ADAMTS6: variants seen among roughly 807,000 people sequenced by gnomAD.
ADAMTS6 encodes ADAM metallopeptidase with thrombospondin type 1 motif 6.
ADAMTS6 carries 23 observed loss-of-function variants against 144.3 expected under a neutral mutation model. The ratio of observed to expected loss-of-function variants is 0.16; its 90% CI spans 0.11 to 0.23. The LOEUF (loss-of-function observed/expected upper bound fraction) is 0.23. ADAMTS6 is among the 10% of genes least tolerant of loss of function. The probability of loss-of-function intolerance (pLI) is 1.00; values close to 1 mark genes in which losing one functional copy is unlikely to be tolerated. For synonymous variants in ADAMTS6, 444 were observed against 457.5 expected, an observed-to-expected ratio of 0.97 and a Z score of 0.38; for missense variants, 999 against 1,379.6, an observed-to-expected ratio of 0.72 and a Z score of 4.37.
intron 7 of ADAMTS6, among the ~76,000 whole-genome samples, chr5:65,403,816 G>A (rs1010799986): frequency 5.3e-5 from 8 of 151,890 alleles, no homozygotes; most frequent in Non-Finnish European, 1.0e-4. Context: ...TTATCACTAC[G>A]TACCTTATTC....
chr5:65,256,995 T>C (rs1490098353), intron 14 of ADAMTS6, among the ~76,000 whole-genome samples: 9 of 144,130 alleles, frequency 6.2e-5, no homozygotes, highest in African/African-American at 7.8e-5. Flanking sequence ...CTTTTTTTTT[T>C]TTTTTTTTTT....
intron 7 of ADAMTS6, among the ~76,000 whole-genome samples, chr5:65,353,872 C>T (rs527297786): frequency 6.6e-6 from 1 of 151,818 alleles, no homozygotes; most frequent in Non-Finnish European, 1.5e-5. Flanking sequence ...TGCAAAAAAA[C>T]CCAAAGCTTC....
intron 14 of ADAMTS6, chr5:65,251,493 T>A (rs1760153736): frequency 6.6e-6 from 1 of 152,246 alleles, no homozygotes; most frequent in African/African-American, 2.4e-5. Flanking sequence ...ATGCTCCTGG[T>A]TTCTCAGTAG....
intron 7 of ADAMTS6, among the ~76,000 whole-genome samples, chr5:65,360,377 C>T (rs769541354): frequency 6.6e-6 from 1 of 152,088 alleles, no homozygotes. Flanking sequence ...CCACCTCCAA[C>T]AATTGAACAT....
chr5:65,389,016 G>C (rs1479273369), intron 7 of ADAMTS6, among the ~76,000 whole-genome samples: 7 of 152,058 alleles, frequency 4.6e-5, no homozygotes, highest in African/African-American at 1.7e-4. Flanking sequence ...GACCATCCTG[G>C]CTAACACGGT....
chr5:65,461,811 A>T (rs1420109858), intron 3 of ADAMTS6, among the ~76,000 whole-genome samples: 2 of 152,198 alleles, frequency 1.3e-5, no homozygotes, highest in Non-Finnish European at 2.9e-5. Flanking sequence ...TCATTTGAAA[A>T]AGGGGTTTTG....
At chr5:65,272,164 A>G (rs1323401072) in intron 12 of ADAMTS6, among the ~76,000 whole-genome samples, 1 of 152,234 alleles carries the variant, frequency 6.6e-6, no homozygotes, top group Non-Finnish European at 1.5e-5. Context: ...GCTGAAACTC[A>G]GCATAATCCT....
intron 7 of ADAMTS6, among the ~76,000 whole-genome samples, chr5:65,352,082 A>C (rs1748903974): frequency 6.6e-6 from 1 of 152,228 alleles, no homozygotes; most frequent in South Asian, 2.1e-4. Context: ...TCTATGCTCC[A>C]TCTGAACAAC....
chr5:65,218,828 A>C (rs1198678624), intron 18 of ADAMTS6, among the ~76,000 whole-genome samples: 2 of 152,206 alleles, frequency 1.3e-5, no homozygotes, highest in East Asian at 3.8e-4. Context: ...TATTAAAAAA[A>C]ACAGCACAAA....
intron 7 of ADAMTS6, among the ~76,000 whole-genome samples, chr5:65,369,297 T>A (rs1199495517): frequency 1.3e-5 from 2 of 152,060 alleles, no homozygotes; most frequent in African/African-American, 4.8e-5. Flanking sequence ...AGCCCACAAG[T>A]TAAAGTTTTA....
intron 22 of ADAMTS6, among the ~76,000 whole-genome samples, chr5:65,177,273 C>T (rs1412484460): frequency 6.6e-6 from 1 of 152,166 alleles, no homozygotes; most frequent in African/African-American, 2.4e-5. Context: ...AAAAATTTAA[C>T]TCTTTCATCT....
chr5:65,391,503 GTATGTAAATCC>G (rs1752912093), intron 7 of ADAMTS6, among the ~76,000 whole-genome samples: 1 of 151,112 alleles, frequency 6.6e-6, no homozygotes, highest in Non-Finnish European at 1.5e-5. Flanking sequence ...TAATATTTCA[GTATGTAAATCC>G]TAAGAAATCC....
intron 20 of ADAMTS6, among the ~76,000 whole-genome samples, chr5:65,208,210 T>G (rs1466972455): frequency 6.6e-6 from 1 of 152,204 alleles, no homozygotes; most frequent in Admixed American, 6.5e-5. Context: ...TGTTAATTTT[T>G]TGAAGACTAA....
At chr5:65,436,956 T>G (rs1757467192) in intron 7 of ADAMTS6, among the ~76,000 whole-genome samples, 1 of 152,174 alleles carries the variant, frequency 6.6e-6, no homozygotes, top group Non-Finnish European at 1.5e-5. Flanking sequence ...TGCCTGAGAC[T>G]GGGCAATTTA....
In ADAMTS6 at chr5:65,226,134, G is replaced by T. The variant is rs757587576; in HGVS notation, c.2019C>A (p.Thr673=). The T allele has an allele frequency of 3.7e-6, 6 of 1,613,246 alleles. No homozygotes were observed. Among genetic ancestry groups the T allele is most frequent in the Non-Finnish European group, 5.1e-6 (6 of 1,179,598 alleles). Residue 673 remains threonine, a synonymous_variant, in exon 16 of 25, where the codon ACC becomes ACA. Coordinates refer to ENST00000381055, the MANE Select transcript of ADAMTS6 (RefSeq NM_197941.4). ...TERAPAVIDG[T]QCNADSLDIC... ...TATCCAGTGAATCCGCATTGCACTG[G>T]GTCCCATCGATCACCGCAGGAGCAC...
intron 2 of ADAMTS6, 69 bp downstream of exon 2, chr5:65,473,508 A>C (rs1043907327): frequency 1.5e-6 from 2 of 1,373,252 alleles, no homozygotes; most frequent in African/African-American, 2.9e-5. Flanking sequence ...CCCAAACTAA[A>C]TATGCAGAAT....
At chr5:65,401,481 T>A (rs2150164569) in intron 7 of ADAMTS6, among the ~76,000 whole-genome samples, 1 of 152,058 alleles carries the variant, frequency 6.6e-6, no homozygotes, top group Non-Finnish European at 1.5e-5. Context: ...CACAAGGGAG[T>A]TTTTCTCCAA....
At chr5:65,403,067 T>A (rs947571773) in intron 7 of ADAMTS6, among the ~76,000 whole-genome samples, 1 of 152,090 alleles carries the variant, frequency 6.6e-6, no homozygotes, top group Admixed American at 6.6e-5. Flanking sequence ...CCTAATACAA[T>A]AATGAATTTT....
intron 20 of ADAMTS6, among the ~76,000 whole-genome samples, chr5:65,201,386 A>G (rs932586932): frequency 1.3e-5 from 2 of 152,160 alleles, no homozygotes; most frequent in Non-Finnish European, 2.9e-5. Flanking sequence ...GTAACATAGT[A>G]TTTGGCAATA....
Sources: allele counts gnomAD v4.1 joint callset (sites outside exome capture counted in the v4.1 genomes callset), GRCh38; gene constraint gnomAD v4.1.1; transcripts MANE v1.5; gene names NCBI Gene and HGNC (gene_info 2026-07-23, HGNC 2026-07-21).